MYO16: variants seen among roughly 807,000 people sequenced by gnomAD.
MYO16 encodes myosin XVI, also known as unconventional myosin-XVI.
MYO16 carries 94 observed loss-of-function variants against 205.3 expected under a neutral mutation model. That is an observed-to-expected ratio of 0.46 (90% CI 0.39 to 0.54). The LOEUF (loss-of-function observed/expected upper bound fraction) is 0.54. MYO16 is among the 20% of genes least tolerant of loss of function. The probability of loss-of-function intolerance (pLI) is 0.00; values close to 1 mark genes in which losing one functional copy is unlikely to be tolerated. For missense variants in MYO16, 2,315 were observed against 2,387.5 expected, an observed-to-expected ratio of 0.97 and a Z score of 0.63; for synonymous variants, 988 against 954.0, an observed-to-expected ratio of 1.04 and a Z score of -0.66.
chr13:108,509,716 G>A, the MYO16 span, among the ~76,000 whole-genome samples: 1 of 152,150 alleles, frequency 6.6e-6, no homozygotes, highest in Non-Finnish European at 1.5e-5. Flanking sequence ...GTTAATGGGT[G>A]CAGCATACCA....
intron 14 of MYO16, among the ~76,000 whole-genome samples, chr13:108,896,071 A>G (rs748268708): frequency 2.0e-4 from 30 of 152,188 alleles, no homozygotes; most frequent in Admixed American, 5.9e-4. Flanking sequence ...TCCCAGGCAC[A>G]TGCATTTAAC....
Position 109,119,070 on chromosome 13 carries a change from A to C in MYO16, c.3439-1300A>C, listed in dbSNP as rs540997386. 2.6e-5 allele frequency among the ~76,000 whole-genome samples: 4 copies of C among 152,326 alleles called. No individual in the cohort carries two copies. In the South Asian group the frequency reaches 8.3e-4, roughly 32 times the overall value. On this transcript the variant is annotated intron_variant, in intron 28 of 34. Coordinates refer to ENST00000457511, the MANE Select transcript of MYO16 (RefSeq NM_001198950.3). ...AAACTGTGTTTTATTAAGACAACAG[A>C]TCATGTAAGGGAAGAGTTAGGTGGA...
intron 16 of MYO16, among the ~76,000 whole-genome samples, chr13:108,943,294 T>A (rs1449527283): frequency 6.6e-6 from 1 of 152,194 alleles, no homozygotes; most frequent in Non-Finnish European, 1.5e-5. Flanking sequence ...ACATCCTTAT[T>A]ATATACAGTT....
At chr13:108,749,882 C>G (rs1255691257) in intron 4 of MYO16, among the ~76,000 whole-genome samples, 1 of 152,174 alleles carries the variant, frequency 6.6e-6, no homozygotes, top group Non-Finnish European at 1.5e-5. Flanking sequence ...GCCAAGATGT[C>G]CTTCTGTAAA....
intron 16 of MYO16, among the ~76,000 whole-genome samples, chr13:108,911,398 G>A (rs1881260288): frequency 6.6e-6 from 1 of 152,060 alleles, no homozygotes. Flanking sequence ...TTAATCGAGA[G>A]CCTCCTACCA....
At chr13:109,051,092 A>G (rs1327061817) in intron 24 of MYO16, among the ~76,000 whole-genome samples, 4 of 152,200 alleles carry the variant, frequency 2.6e-5, no homozygotes, top group Admixed American at 2.6e-4. Flanking sequence ...AGATGTAAGT[A>G]TAGATAACAT....
intron 27 of MYO16, among the ~76,000 whole-genome samples, chr13:109,075,499 C>G (rs1335658818): frequency 6.6e-6 from 1 of 151,990 alleles, no homozygotes; most frequent in Non-Finnish European, 1.5e-5. Context: ...AAGCGATTCT[C>G]CCGCCTCAGC....
chr13:108,534,170 T>C, the MYO16 span, among the ~76,000 whole-genome samples: 4 of 152,210 alleles, frequency 2.6e-5, no homozygotes, highest in African/African-American at 9.6e-5. Flanking sequence ...AAAATTGTTT[T>C]TATTGCATCA....
intron 11 of MYO16, among the ~76,000 whole-genome samples, chr13:108,860,264 G>A (rs1011155536): frequency 6.8e-6 from 1 of 146,924 alleles, no homozygotes; most frequent in Non-Finnish European, 1.5e-5. Flanking sequence ...ACATGAGTTT[G>A]GTTTTCTGTT....
chr13:109,174,205 C>T (rs1267472093), intron 33 of MYO16, among the ~76,000 whole-genome samples: 2 of 152,118 alleles, frequency 1.3e-5, no homozygotes, highest in Non-Finnish European at 2.9e-5. Flanking sequence ...AAGGGAAGGG[C>T]AATTCCCAAA....
chr13:108,930,048 G>A (rs898568680), intron 16 of MYO16, among the ~76,000 whole-genome samples: 1 of 152,144 alleles, frequency 6.6e-6, no homozygotes, highest in Non-Finnish European at 1.5e-5. Context: ...AATTTTAAAT[G>A]CCCATAATCT....
At chr13:108,942,299 T>C (rs1882763345) in intron 16 of MYO16, among the ~76,000 whole-genome samples, 2 of 152,248 alleles carry the variant, frequency 1.3e-5, no homozygotes, top group Non-Finnish European at 2.9e-5. Context: ...GTGTTACTTC[T>C]AAATGGACTT....
intron 2 of MYO16, among the ~76,000 whole-genome samples, chr13:108,690,029 G>A (rs1378377788): frequency 6.6e-6 from 1 of 152,060 alleles, no homozygotes; most frequent in Non-Finnish European, 1.5e-5. Flanking sequence ...CCCACTTATT[G>A]TATAAAATTC....
intron 2 of MYO16, among the ~76,000 whole-genome samples, chr13:108,682,957 T>C (rs1882525820): frequency 6.6e-6 from 1 of 152,140 alleles, no homozygotes; most frequent in Non-Finnish European, 1.5e-5. Context: ...TAAGATAGAG[T>C]CTTTTTCTAA....
chr13:108,821,854 A>G (rs1229461082), intron 8 of MYO16, among the ~76,000 whole-genome samples: 1 of 152,200 alleles, frequency 6.6e-6, no homozygotes, highest in Non-Finnish European at 1.5e-5. Flanking sequence ...CCAGCAACCT[A>G]GTACCTTATT....
the MYO16 span, among the ~76,000 whole-genome samples, chr13:108,565,008 A>G: frequency 1.3e-5 from 2 of 152,240 alleles, no homozygotes; most frequent in East Asian, 1.9e-4. Context: ...CCATTGGTCT[A>G]TGTGTCTGTT....
At chr13:108,947,974 T>G (rs887165728) in intron 16 of MYO16, among the ~76,000 whole-genome samples, 3 of 152,244 alleles carry the variant, frequency 2.0e-5, no homozygotes, top group Admixed American at 6.5e-5. Flanking sequence ...AAACAGTTTG[T>G]GACTCATATA....
chr13:108,706,627 A>C (rs916177391), intron 2 of MYO16, among the ~76,000 whole-genome samples: 1 of 152,190 alleles, frequency 6.6e-6, no homozygotes, highest in African/African-American at 2.4e-5. Context: ...TTCTCTGTAC[A>C]TCTGCACCTC....
At chr13:108,654,327 T>C (rs1441633604) in intron 1 of MYO16, among the ~76,000 whole-genome samples, 1 of 152,202 alleles carries the variant, frequency 6.6e-6, no homozygotes, top group Non-Finnish European at 1.5e-5. Context: ...ACTGTTCTCG[T>C]GCTAGGAAGT....
Sources: allele counts gnomAD v4.1 joint callset (sites outside exome capture counted in the v4.1 genomes callset), GRCh38; gene constraint gnomAD v4.1.1; transcripts MANE v1.5; gene names NCBI Gene and HGNC (gene_info 2026-07-23, HGNC 2026-07-21).